The following GRM8 variants were observed in gnomAD, a reference collection of about 807,000 sequenced individuals.
GRM8 encodes the protein glutamate metabotropic receptor 8.
Under a neutral mutation model 87.2 loss-of-function variants are expected in GRM8, and 47 were observed. The observed-to-expected ratio is 0.54, with a 90% CI of 0.43 to 0.69. GRM8 has a LOEUF of 0.69. GRM8 is among the 30% of genes least tolerant of loss of function. The pLI is 0.00. For synonymous variants in GRM8, 396 were observed against 404.5 expected (o/e 0.98, Z 0.25); for missense variants, 1,019 against 1,139.2 (o/e 0.89, Z 1.52).
At position 126,979,406 on chromosome 7, in the gene GRM8, T is replaced by C. The variant is rs181915613; in HGVS notation, c.728-74723A>G. On this transcript the variant is annotated intron_variant, in intron 3 of 10. Coordinates refer to ENST00000339582, the MANE Select transcript of GRM8 (RefSeq NM_000845.3). ...ATGTTCATCTAATTTAATACATAGCTAAATACATAGAAGTATTTTTTAGTA... is the reference window on the plus strand; with the variant it reads ...ATGTTCATCTAATTTAATACATAGCCAAATACATAGAAGTATTTTTTAGTA... 4.6e-5 allele frequency among the ~76,000 whole-genome samples: 7 copies of C among 152,360 alleles called. No homozygotes were observed. In the East Asian group the frequency reaches 1.3e-3, roughly 29 times the overall value.
chr7:126,672,926 T>C lies in GRM8; in HGVS notation c.1358-63428A>G, dbSNP rs190313319. ...CTGTTTCCCCAAAACAGTGCCCCCT[T>C]ATCAGGCGAAAGCAGTTAAGATAGT... On this transcript the variant is annotated intron_variant, in intron 7 of 10. Coordinates refer to ENST00000339582, the MANE Select transcript of GRM8 (RefSeq NM_000845.3). Among the ~76,000 whole-genome samples, 28 of 152,228 alleles carry C rather than the reference T, an allele frequency of 1.8e-4. 1 individual carries two copies. The East Asian group carries it at 5.4e-3, about 29-fold the overall frequency.
intron 7 of GRM8, among the ~76,000 whole-genome samples, chr7:126,738,976 G>C (rs1004512433): frequency 1.3e-5 from 2 of 151,900 alleles, no homozygotes; most frequent in African/African-American, 4.8e-5. Flanking sequence ...CAAATGTTTG[G>C]AGCCTTCAGC....
Position 127,252,855 on chromosome 7 carries a change from A to AGCGCCG in GRM8, c.-376_-371dup, listed in dbSNP as rs1554619548. ...CGCCGGGGGCCCGCAGCTCCATGTC[A>AGCGCCG]GCGCCGCCGCCGCCGCCGCCGCCGC... On this transcript the variant is annotated 5_prime_UTR_variant, in exon 1 of 11. Transcript: ENST00000339582. This position sits in a 1 kb window ranked among gnomAD's most constrained non-coding sequence, Gnocchi z 4.9. 1 of 218,966 alleles carries AGCGCCG rather than the reference A, an allele frequency of 4.6e-6. No individual in the cohort carries two copies. The highest frequency in any genetic ancestry group is 8.7e-6 in the Non-Finnish European group (1 of 114,874). 13.6% of individuals were successfully genotyped at this position (218,966 alleles called of 1,614,324 possible).
intron 2 of GRM8, among the ~76,000 whole-genome samples, chr7:127,142,428 A>G (rs1209758231): frequency 6.6e-6 from 1 of 152,178 alleles, no homozygotes; most frequent in Non-Finnish European, 1.5e-5. Context: ...GTTTACACAC[A>G]AAGCCAATTT....
At chr7:126,927,744 T>C (rs1805293817) in intron 3 of GRM8, among the ~76,000 whole-genome samples, 1 of 152,096 alleles carries the variant, frequency 6.6e-6, no homozygotes, top group Non-Finnish European at 1.5e-5. Flanking sequence ...TGTGGAGAAA[T>C]AGGAACACTT....
chr7:126,582,569 A>G (rs990475518), intron 8 of GRM8, among the ~76,000 whole-genome samples: 1 of 152,218 alleles, frequency 6.6e-6, no homozygotes, highest in Non-Finnish European at 1.5e-5. Flanking sequence ...ACAGCCTTCT[A>G]TTGGAAGAAG....
At chr7:127,205,318 T>G (rs1795842122) in intron 2 of GRM8, among the ~76,000 whole-genome samples, 1 of 152,120 alleles carries the variant, frequency 6.6e-6, no homozygotes, top group Non-Finnish European at 1.5e-5. Flanking sequence ...TTCAAGGCGG[T>G]GAGATGGGAG....
chr7:127,117,960 AAAG>A lies in GRM8; in HGVS notation c.511-11251_511-11249del, dbSNP rs1268853812. Among the ~76,000 whole-genome samples the A allele has an allele frequency of 4.6e-5, 7 of 152,276 alleles. 1 individual carries two copies. In the South Asian group the frequency reaches 1.2e-3, roughly 27 times the overall value. On this transcript the variant is annotated intron_variant, in intron 2 of 10. Coordinates refer to ENST00000339582, the MANE Select transcript of GRM8 (RefSeq NM_000845.3). ...AGTACATGATTTGACTCCTGCAAAT[AAAG>A]AAGAATGTTGATAAGGACGTTTATG...
At chr7:127,149,422 G>A (rs1322080776) in intron 2 of GRM8, among the ~76,000 whole-genome samples, 1 of 151,980 alleles carries the variant, frequency 6.6e-6, no homozygotes, top group Non-Finnish European at 1.5e-5. Context: ...CAACCAATGT[G>A]GGCAAAGGTA....
intron 7 of GRM8, among the ~76,000 whole-genome samples, chr7:126,739,091 G>C (rs2151503421): frequency 6.6e-6 from 1 of 152,134 alleles, no homozygotes; most frequent in South Asian, 2.1e-4. Flanking sequence ...TGTGGCTGTA[G>C]TGTAGGGCAG....
chr7:127,156,614 C>G (rs187263204), intron 2 of GRM8, among the ~76,000 whole-genome samples: 1 of 152,128 alleles, frequency 6.6e-6, no homozygotes, highest in African/African-American at 2.4e-5. Context: ...TAGGATCTGG[C>G]TCTGGCTCTT....
chr7:126,704,037 CT>C (rs1189955476), intron 7 of GRM8, among the ~76,000 whole-genome samples: 5 of 152,132 alleles, frequency 3.3e-5, no homozygotes, highest in African/African-American at 1.2e-4. Flanking sequence ...TTAAGTCAGA[CT>C]GTCAGGACGT....
At chr7:127,118,747 C>T (rs548768963) in intron 2 of GRM8, among the ~76,000 whole-genome samples, 3 of 152,274 alleles carry the variant, frequency 2.0e-5, no homozygotes, top group African/African-American at 7.2e-5. Flanking sequence ...CTCTACTCTC[C>T]GCTACTTTGG....
At chr7:127,182,148 G>GA (rs1408676536) in intron 2 of GRM8, among the ~76,000 whole-genome samples, 4 of 151,498 alleles carry the variant, frequency 2.6e-5, no homozygotes, top group Non-Finnish European at 5.9e-5. Flanking sequence ...AAATCAATAA[G>GA]AAAAAAACAA....
intron 6 of GRM8, among the ~76,000 whole-genome samples, chr7:126,872,721 A>G (rs1799207271): frequency 6.6e-6 from 1 of 152,134 alleles, no homozygotes; most frequent in South Asian, 2.1e-4. Flanking sequence ...CCTCAAAACC[A>G]GATACTCTCA....
Position 126,853,638 on chromosome 7 carries a change from C to T in GRM8, c.1156+48904G>A, listed in dbSNP as rs977163528. On this transcript the variant is annotated intron_variant, in intron 6 of 10. Transcript: ENST00000339582. Reference sequence around the variant, plus strand: ...GATATCATTGCACCTTGATGAGCAACAAGTAGCTTAAGCAAAAAAGGGACT... The same window carrying T: ...GATATCATTGCACCTTGATGAGCAATAAGTAGCTTAAGCAAAAAAGGGACT... Among the ~76,000 whole-genome samples, 41 of 152,210 alleles carry T rather than the reference C, an allele frequency of 2.7e-4. 1 individual carries two copies. The highest frequency in any genetic ancestry group is 8.9e-4 in the African/African-American group (37 of 41,534).
chr7:126,769,454 A>C (rs1333574966), intron 7 of GRM8, among the ~76,000 whole-genome samples: 1 of 152,066 alleles, frequency 6.6e-6, no homozygotes, highest in East Asian at 1.9e-4. Flanking sequence ...CAAGTCATCC[A>C]TTTTCTTCAA....
chr7:126,788,097 A>C (rs988211341), intron 6 of GRM8, among the ~76,000 whole-genome samples: 1 of 152,050 alleles, frequency 6.6e-6, no homozygotes, highest in African/African-American at 2.4e-5. Flanking sequence ...GAGTTACCTG[A>C]AAAATGTAGA....
rs1195425728 is a variant in GRM8, at chr7:126,533,057, C to T, written c.2325G>A (p.Glu775=). 1 of 1,613,384 alleles carries T rather than the reference C, an allele frequency of 6.2e-7. No homozygotes were observed. The highest frequency in any genetic ancestry group is 8.5e-7 in the Non-Finnish European group (1 of 1,179,796). The change falls in exon 9 of 11, where the codon GAG becomes GAA. Residue 775 remains glutamate, a synonymous_variant. Coordinates refer to ENST00000339582, the MANE Select transcript of GRM8 (RefSeq NM_000845.3). ...CAATAGGTTTGGCTTCATTGAAAGTCTCTGGGACACCTCTCGTTTTAATGG... is the reference window on the plus strand; with the variant it reads ...CAATAGGTTTGGCTTCATTGAAAGTTTCTGGGACACCTCTCGTTTTAATGG... ...VYAIKTRGVP[E]TFNEAKPIGF... is the part of the protein sequence containing the mutation.
Sources: allele counts gnomAD v4.1 joint callset (sites outside exome capture counted in the v4.1 genomes callset), GRCh38; gene constraint gnomAD v4.1.1; non-coding constraint Gnocchi (gnomAD v3.1); transcripts MANE v1.5; gene names NCBI Gene and HGNC (gene_info 2026-07-23, HGNC 2026-07-21).